Variants in ATG10 observed in about 807,000 individuals in gnomAD.
The protein encoded by ATG10 is ubiquitin-like-conjugating enzyme ATG10.
In ATG10, 30 loss-of-function variants were observed where a neutral mutation model predicts 32.1. The observed-to-expected ratio is 0.94, with a 90% CI of 0.70 to 1.27. The LOEUF is 1.27. Among genes scored for constraint, ATG10 ranks in the 50% most tolerant of loss-of-function variants. The pLI is 0.00. For missense variants in ATG10, 233 were observed against 262.3 expected, an observed-to-expected ratio of 0.89 and a Z score of 0.77; for synonymous variants, 87 against 91.5, an observed-to-expected ratio of 0.95 and a Z score of 0.28.
chr5:82,231,547 T>C (rs1294404441), intron 5 of ATG10, among the ~76,000 whole-genome samples: 1 of 152,168 alleles, frequency 6.6e-6, no homozygotes, highest in African/African-American at 2.4e-5. Flanking sequence ...TTTTTTGTTA[T>C]TTAGTTTTAA....
intron 3 of ATG10, among the ~76,000 whole-genome samples, chr5:82,076,814 C>G (rs1222954496): frequency 1.3e-5 from 2 of 152,148 alleles, no homozygotes; most frequent in African/African-American, 4.8e-5. Context: ...GAAGAGTACT[C>G]AGTGGTCCTT....
intron 2 of ATG10, among the ~76,000 whole-genome samples, chr5:82,046,097 TGTC>T (rs1300603926): frequency 2.0e-5 from 3 of 152,188 alleles, no homozygotes; most frequent in African/African-American, 7.2e-5. Context: ...CCATCAGCTC[TGTC>T]CTACCTCAGC....
chr5:82,053,096 C>T (rs1419448882), intron 2 of ATG10, among the ~76,000 whole-genome samples: 3 of 152,152 alleles, frequency 2.0e-5, no homozygotes, highest in African/African-American at 7.2e-5. Context: ...AACTCCCCTG[C>T]CCCAGCAATG....
chr5:82,087,161 A>G (rs1359613201), intron 3 of ATG10, among the ~76,000 whole-genome samples: 4 of 152,212 alleles, frequency 2.6e-5, no homozygotes, highest in Non-Finnish European at 1.5e-5. Context: ...ATGCATCAAA[A>G]GTCAAATGGC....
chr5:81,986,933 C>T (rs1426779469), intron 1 of ATG10, among the ~76,000 whole-genome samples: 1 of 151,926 alleles, frequency 6.6e-6, no homozygotes, highest in Non-Finnish European at 1.5e-5. Flanking sequence ...ATCCCCGCTC[C>T]TCGAGAGGCT....
chr5:82,052,481 A>T (rs1763463040), intron 2 of ATG10, among the ~76,000 whole-genome samples: 1 of 152,206 alleles, frequency 6.6e-6, no homozygotes, highest in Non-Finnish European at 1.5e-5. Context: ...TAAGATTGGA[A>T]TCTACTCTGG....
chr5:82,019,997 G>T lies in ATG10; in HGVS notation c.108+32319G>T, dbSNP rs528482262. 2.0e-5 allele frequency among the ~76,000 whole-genome samples: 3 copies of T among 152,354 alleles called. No individual in the cohort carries two copies. The East Asian group carries it at 5.8e-4, about 29-fold the overall frequency. On this transcript the variant is annotated intron_variant, in intron 2 of 7. Transcript: ENST00000282185. ...CCTGGATTAGGGAAGTGTGCCAGGG[G>T]TTGGTCTCCCTGCAGGCGCCTCTGA... is the stretch of plus-strand genomic sequence containing the variant.
intron 3 of ATG10, among the ~76,000 whole-genome samples, chr5:82,105,874 A>G (rs1034089365): frequency 1.2e-4 from 18 of 152,278 alleles, no homozygotes; most frequent in African/African-American, 4.1e-4. Flanking sequence ...TTAAGGAAAA[A>G]ATGATTTCCA....
chr5:82,197,720 TTCTATCTATCTATCTATCTA>T lies in ATG10; in HGVS notation c.453+19169_453+19188del, dbSNP rs10586711. 3.9e-3 allele frequency among the ~76,000 whole-genome samples: 557 copies of T among 143,930 alleles called. 2 individuals are homozygous for T. The highest frequency in any genetic ancestry group is 0.012 in the African/African-American group (463 of 38,102). 94.4% of individuals were successfully genotyped at this position (143,930 alleles called of 152,430 possible). On this transcript the variant is annotated intron_variant, in intron 5 of 7. Coordinates refer to ENST00000282185, the MANE Select transcript of ATG10 (RefSeq NM_031482.5). The stretch of plus-strand genomic sequence containing the variant: ...CCCATTATTTTCTTTCTTTCTTTCT[TTCTATCTATCTATCTATCTA>T]TCTATCTATCTATCTATCTATCTAT...
intron 3 of ATG10, among the ~76,000 whole-genome samples, chr5:82,072,702 C>T (rs1764166644): frequency 6.6e-6 from 1 of 152,078 alleles, no homozygotes; most frequent in Non-Finnish European, 1.5e-5. Flanking sequence ...CCAAAAGTGT[C>T]TTATTGGACA....
chr5:82,216,282 G>A (rs917871411), intron 5 of ATG10, among the ~76,000 whole-genome samples: 21 of 152,294 alleles, frequency 1.4e-4, no homozygotes, highest in East Asian at 7.7e-4. Flanking sequence ...AGTGAATTTC[G>A]CTCTGGCCTG....
intron 2 of ATG10, among the ~76,000 whole-genome samples, chr5:82,055,463 C>T (rs939198380): frequency 3.3e-5 from 5 of 151,982 alleles, no homozygotes; most frequent in Non-Finnish European, 7.4e-5. Flanking sequence ...TTTGACTCAC[C>T]TCTTTTAATG....
intron 3 of ATG10, among the ~76,000 whole-genome samples, chr5:82,062,186 A>C (rs1281239417): frequency 6.6e-6 from 1 of 152,018 alleles, no homozygotes; most frequent in Non-Finnish European, 1.5e-5. Context: ...TCAACAATCA[A>C]TTTACATAGA....
At chr5:82,052,219 G>A (rs1383345381) in intron 2 of ATG10, among the ~76,000 whole-genome samples, 1 of 152,142 alleles carries the variant, frequency 6.6e-6, no homozygotes, top group African/African-American at 2.4e-5. Context: ...TCTTTTAGAT[G>A]TGTCTAGAGA....
Position 82,101,277 on chromosome 5 carries a change from A to G in ATG10, c.216+42675A>G, listed in dbSNP as rs1765263381. 2.0e-5 allele frequency among the ~76,000 whole-genome samples: 3 copies of G among 152,150 alleles called. No homozygotes were observed. In the South Asian group the frequency reaches 6.2e-4, roughly 32 times the overall value. On this transcript the variant is annotated intron_variant, in intron 3 of 7. Coordinates refer to ENST00000282185, the MANE Select transcript of ATG10 (RefSeq NM_031482.5). ...ATGTATGATTATTTCCATCCTCAAG[A>G]TCACCTTGTGGTAAGTTGCTCAGAC... is the stretch of plus-strand genomic sequence containing the variant.
At chr5:82,081,508 C>T (rs1262890771) in intron 3 of ATG10, among the ~76,000 whole-genome samples, 10 of 152,110 alleles carry the variant, frequency 6.6e-5, no homozygotes, top group African/African-American at 2.2e-4. Flanking sequence ...TCATAAATAG[C>T]TCTTATTATT....
At chr5:82,106,900 G>T (rs1765460334) in intron 3 of ATG10, among the ~76,000 whole-genome samples, 1 of 151,858 alleles carries the variant, frequency 6.6e-6, no homozygotes, top group African/African-American at 2.4e-5. Flanking sequence ...GTATCCGTGG[G>T]ACCCTTCTCC....
intron 3 of ATG10, among the ~76,000 whole-genome samples, chr5:82,135,875 A>C (rs1581725754): frequency 6.6e-6 from 1 of 152,140 alleles, no homozygotes; most frequent in East Asian, 1.9e-4. Context: ...TAGGTCTCTA[A>C]GAACTTGCTT....
chr5:82,061,933 G>A (rs555517939), intron 3 of ATG10, among the ~76,000 whole-genome samples: 4 of 142,844 alleles, frequency 2.8e-5, no homozygotes, highest in African/African-American at 1.0e-4. Context: ...GGGCTCAAGT[G>A]ATCCTCTCAC....
Sources: gnomAD v4.1 joint callset for allele counts (sites outside exome capture counted in the v4.1 genomes callset) on GRCh38, gnomAD v4.1.1 for gene constraint, MANE v1.5 for transcripts, NCBI Gene and HGNC (gene_info 2026-07-23, HGNC 2026-07-21) for gene names.